UBALD1: variants seen among roughly 807,000 people sequenced by gnomAD.
The protein encoded by UBALD1 is UBA like domain containing 1.
A neutral mutation model predicts 16.1 loss-of-function variants in UBALD1; 5 were observed. The ratio of observed to expected loss-of-function variants is 0.31; its 90% confidence interval spans 0.16 to 0.66. The LOEUF (loss-of-function observed/expected upper bound fraction) is 0.66, where lower values mean the gene tolerates loss of function less well. Ranked by LOEUF, UBALD1 falls within the 30% of genes least tolerant of loss-of-function variation. UBALD1 has a pLI of 0.77. For synonymous variants in UBALD1, 146 were observed against 105.3 expected, an observed-to-expected ratio of 1.39 and a Z score of -2.37; for missense variants, 220 against 252.8, an observed-to-expected ratio of 0.87 and a Z score of 0.88.
intron 1 of UBALD1, 90 bp downstream of exon 1, chr16:4,614,588 C>A (rs751365180): frequency 7.6e-5 from 96 of 1,268,736 alleles, no homozygotes; most frequent in Non-Finnish European, 8.6e-5. Context: ...ACAGCCGGCA[C>A]GCGTCCACGC....
intron 1 of UBALD1, among the ~76,000 whole-genome samples, chr16:4,613,329 GCC>G (rs1303045998): frequency 5.9e-5 from 9 of 152,186 alleles, no homozygotes; most frequent in Admixed American, 6.5e-5. Context: ...GGAAACTAAG[GCC>G]AGAGGGACAG....
intron 1 of UBALD1, chr16:4,610,964 G>C (rs1897351677): frequency 2.6e-6 from 1 of 391,162 alleles, no homozygotes. Flanking sequence ...GGAGATTCTA[G>C]CCTGGCTGTT....
rs760398261 is a variant in UBALD1 at position 4,609,756 on chromosome 16, G to A, written c.411C>T (p.His137=). 2.7e-6 allele frequency: 4 copies of A among 1,506,076 alleles called. No homozygotes were observed. The highest frequency in any genetic ancestry group is 2.0e-4 in the Middle Eastern group (1 of 5,074). 93.3% of individuals were successfully genotyped at this position (1,506,076 alleles called of 1,614,324 possible). ...GAGTCCACAGGGGCGGCTGTGGCTG[G>A]TGGTGCTGTGGGCCCCCCGGGGGCG... ...AASPPGGPQH[H]QPQPPLWTPT... The change falls in exon 3 of 3, where the codon CAC becomes CAT. Residue 137 remains histidine, a synonymous_variant. Coordinates refer to ENST00000283474, the MANE Select transcript of UBALD1 (RefSeq NM_145253.3).
intron 1 of UBALD1, chr16:4,614,427 C>A: frequency 2.1e-6 from 1 of 477,042 alleles, no homozygotes; most frequent in Non-Finnish European, 3.4e-6. Flanking sequence ...GGGTCCCCGT[C>A]TCGATCCCGG....
At chr16:4,614,436 G>A (rs1043534526) in intron 1 of UBALD1, 60 of 504,514 alleles carry the variant, frequency 1.2e-4, no homozygotes, top group East Asian at 2.2e-4. Flanking sequence ...TCTCGATCCC[G>A]GGGGACTCGC....
Position 4,609,559 on chromosome 16 carries a change from G to T in UBALD1, c.*74C>A. 1 of 636,162 alleles carries T rather than the reference G, an allele frequency of 1.6e-6. No individual in the cohort carries two copies. Among genetic ancestry groups the T allele is most frequent in the Non-Finnish European group, 2.4e-6 (1 of 423,106 alleles). The allele number at this position is 636,162 out of a possible 1,614,324, so 39.4% of individuals were successfully genotyped here. On this transcript the variant is annotated 3_prime_UTR_variant, in exon 3 of 3. Coordinates refer to ENST00000283474, the MANE Select transcript of UBALD1 (RefSeq NM_145253.3). ...CAAGGGGTGCAGACAGAAAAGGGGT[G>T]AAGGGGGCCCGCAGAGACGTCCTCT...
At chr16:4,611,636 A>C (rs1897359082) in intron 1 of UBALD1, 1 of 152,880 alleles carries the variant, frequency 6.5e-6, no homozygotes, top group Non-Finnish European at 1.5e-5. Context: ...GCGCTCAGAA[A>C]GGCCAGGACA....
chr16:4,612,040 G>T (rs948445409), intron 1 of UBALD1, among the ~76,000 whole-genome samples: 1 of 151,846 alleles, frequency 6.6e-6, no homozygotes, highest in Non-Finnish European at 1.5e-5. Context: ...TCGATCAGGG[G>T]GTATGGGTGG....
At chr16:4,610,343 G>C (rs1897343858) in intron 2 of UBALD1, 150 bp downstream of exon 2, 1 of 804,566 alleles carries the variant, frequency 1.2e-6, no homozygotes, top group East Asian at 2.7e-5. Context: ...AGGACCCACG[G>C]AGCCGGGACT....
At chr16:4,614,627 G>T (rs777979290) in intron 1 of UBALD1, 51 bp downstream of exon 1, 26 of 1,373,326 alleles carry the variant, frequency 1.9e-5, no homozygotes, top group Non-Finnish European at 2.1e-5. Flanking sequence ...GGCCACGCGG[G>T]ACACACTCCG....
intron 1 of UBALD1, chr16:4,610,756 G>T: frequency 1.7e-6 from 1 of 588,044 alleles, no homozygotes; most frequent in Non-Finnish European, 3.0e-6. Flanking sequence ...GGAACCTTGG[G>T]CAGTTGGGGT....
rs1897398059 is a variant in UBALD1, at chr16:4,614,440, G to GA, written c.120+237dup. 5 of 519,954 alleles carry GA rather than the reference G, an allele frequency of 9.6e-6. No homozygotes were observed. The East Asian group carries it at 1.8e-4, about 19-fold the overall frequency. The allele number at this position is 519,954 out of a possible 1,614,324, so 32.2% of individuals were successfully genotyped here. ...GGGGGTCCCCGTCTCGATCCCGGGG[G>GA]ACTCGCGGCCCCGCGGGGGCGGCGT... On this transcript the variant is annotated intron_variant, in intron 1 of 2. Transcript: ENST00000283474.
intron 1 of UBALD1, chr16:4,614,281 G>T: frequency 2.8e-6 from 1 of 354,352 alleles, no homozygotes; most frequent in Non-Finnish European, 5.1e-6. Context: ...CGGACCACTC[G>T]CCCGGAGCGG....
intron 1 of UBALD1, 158 bp from the exon 2 acceptor site, chr16:4,610,713 C>T (rs1488318800): frequency 3.9e-6 from 3 of 763,860 alleles, no homozygotes; most frequent in South Asian, 1.8e-5. Flanking sequence ...GCCTGTCACC[C>T]CCAACCCTCA....
chr16:4,609,811 G>T lies in UBALD1; in HGVS notation c.356C>A (p.Ser119Tyr), dbSNP rs750542597. The T allele has an allele frequency of 1.3e-6, 2 of 1,525,538 alleles. No individual in the cohort carries two copies. The highest frequency in any genetic ancestry group is 1.8e-6 in the Non-Finnish European group (2 of 1,138,150). The allele number at this position is 1,525,538 out of a possible 1,614,324, so 94.5% of individuals were successfully genotyped here. A position where few individuals can be genotyped will look rare whatever the true frequency, so the allele number is the denominator to read the frequency against. Residue 119 changes from serine to tyrosine, a missense_variant, in exon 3 of 3, where the codon TCT becomes TAT. Ser to Tyr is a moderately radical substitution (Grantham distance 144). This residue lies in a region of UBALD1 where 151 missense variants were observed against 132.6 expected (regional missense o/e 1.14). Coordinates refer to ENST00000283474, the MANE Select transcript of UBALD1 (RefSeq NM_145253.3). ...PHFPHAATSS[S>Y]AASSWPTAAS... is the part of the protein sequence containing the mutation. Reference sequence around the variant, plus strand: ...CGCCGTGGGCCAGCTGGAGGCCGCAGAGCTGCTGGTGGCGGCATGGGGGAA... The same window carrying T: ...CGCCGTGGGCCAGCTGGAGGCCGCATAGCTGCTGGTGGCGGCATGGGGGAA...
intron 1 of UBALD1, among the ~76,000 whole-genome samples, chr16:4,612,831 C>CT (rs1567148196): frequency 6.6e-6 from 1 of 152,154 alleles, no homozygotes; most frequent in Non-Finnish European, 1.5e-5. Context: ...GCGGCCCCCA[C>CT]TTTACAGATG....
In UBALD1 at chr16:4,614,836, C is replaced by G. The variant is rs750524304; in HGVS notation, c.-39G>C. On this transcript the variant is annotated 5_prime_UTR_variant, in exon 1 of 3. Coordinates refer to ENST00000283474, the MANE Select transcript of UBALD1 (RefSeq NM_145253.3). ...TGCCCGCTCCGGCCTCCCTCCTCCGCCCGCGCCTCCGCCTCACGCGTCCAC... is the reference window on the plus strand; with the variant it reads ...TGCCCGCTCCGGCCTCCCTCCTCCGGCCGCGCCTCCGCCTCACGCGTCCAC... 1.4e-6 allele frequency: 2 copies of G among 1,457,738 alleles called. No individual in the cohort carries two copies. The highest frequency in any genetic ancestry group is 2.8e-5 in the East Asian group (1 of 36,248). The allele number at this position is 1,457,738 out of a possible 1,614,324, so 90.3% of individuals were successfully genotyped here.
At position 4,611,018 on chromosome 16, in the gene UBALD1, G is replaced by A. The variant is rs191081229; in HGVS notation, c.121-463C>T. The stretch of plus-strand genomic sequence containing the variant: ...AAGTCTCTACTCTTCTCTAAGCCTC[G>A]GTCTCCTCATCTGCGAAGCAAAAGC... On this transcript the variant is annotated intron_variant, in intron 1 of 2. Coordinates refer to ENST00000283474, the MANE Select transcript of UBALD1 (RefSeq NM_145253.3). 2.7e-3 allele frequency: 827 copies of A among 306,870 alleles called. 1 individual carries two copies. The highest frequency in any genetic ancestry group is 3.5e-3 in the Admixed American group (70 of 19,978). 19.0% of individuals were successfully genotyped at this position (306,870 alleles called of 1,614,324 possible).
intron 1 of UBALD1, among the ~76,000 whole-genome samples, chr16:4,612,442 G>A (rs1897369902): frequency 6.6e-6 from 1 of 152,114 alleles, no homozygotes; most frequent in Non-Finnish European, 1.5e-5. Flanking sequence ...AAACAGGGGT[G>A]TGGGAGCTCA....
Sources: gnomAD v4.1 joint callset for allele counts (sites outside exome capture counted in the v4.1 genomes callset) on GRCh38, gnomAD v4.1.1 for gene constraint, gnomAD v4.1.1 regional missense constraint, MANE v1.5 for transcripts, NCBI Gene and HGNC (gene_info 2026-07-23, HGNC 2026-07-21) for gene names.